The following ZMIZ1 variants were observed in gnomAD, a reference collection of about 807,000 sequenced individuals.
The protein encoded by ZMIZ1 is zinc finger MIZ domain-containing protein 1.
In ZMIZ1, 17 loss-of-function variants were observed where a neutral mutation model predicts 113.9. The observed-to-expected ratio is 0.15, with a 90% CI of 0.10 to 0.22. ZMIZ1 has a LOEUF of 0.22. Ranked by LOEUF, ZMIZ1 falls within the 10% of genes least tolerant of loss-of-function variation. The probability of loss-of-function intolerance (pLI) is 1.00; values close to 1 mark genes in which losing one functional copy is unlikely to be tolerated. For synonymous variants in ZMIZ1, 607 were observed against 603.1 expected, an observed-to-expected ratio of 1.01 and a Z score of -0.09; for missense variants, 1,059 against 1,477.8, an observed-to-expected ratio of 0.72 and a Z score of 4.65.
At chr10:79,238,707 C>T (rs1391310914) in intron 7 of ZMIZ1, among the ~76,000 whole-genome samples, 2 of 152,198 alleles carry the variant, frequency 1.3e-5, no homozygotes, top group Non-Finnish European at 2.9e-5. Flanking sequence ...GTTATCAATG[C>T]ATACTTTTGA....
intron 3 of ZMIZ1, among the ~76,000 whole-genome samples, chr10:79,154,554 A>C (rs1316800289): frequency 6.6e-6 from 1 of 152,152 alleles, no homozygotes; most frequent in Non-Finnish European, 1.5e-5. Context: ...TGGTCTGGCC[A>C]CCCCCAGCTA....
intron 2 of ZMIZ1, among the ~76,000 whole-genome samples, chr10:79,125,922 G>A (rs1844490754): frequency 6.6e-6 from 1 of 152,198 alleles, no homozygotes; most frequent in Non-Finnish European, 1.5e-5. Context: ...TGGGGGTGCA[G>A]AGGCTGGCAG....
intron 3 of ZMIZ1, among the ~76,000 whole-genome samples, chr10:79,159,636 C>T (rs1324013371): frequency 1.3e-5 from 2 of 152,294 alleles, no homozygotes; most frequent in African/African-American, 2.4e-5. Flanking sequence ...CACCTCACAG[C>T]GTTTCACTGA....
rs534131588 is a variant in ZMIZ1 at position 79,277,849 on chromosome 10, C to T, written c.425+524C>T. 2.6e-5 allele frequency among the ~76,000 whole-genome samples: 4 copies of T among 152,252 alleles called. 1 individual carries two copies. The highest frequency in any genetic ancestry group is 4.1e-4 in the South Asian group (2 of 4,838). Reference sequence around the variant, plus strand: ...ACCTGTGCCAGCCTCAGAAGGAGCACGTGGCCAGGACTGGCAATTCCCCCA... The same window carrying T: ...ACCTGTGCCAGCCTCAGAAGGAGCATGTGGCCAGGACTGGCAATTCCCCCA... On this transcript the variant is annotated intron_variant, in intron 8 of 24. Coordinates refer to ENST00000334512, the MANE Select transcript of ZMIZ1 (RefSeq NM_020338.4).
At chr10:79,107,589 A>G (rs1211920768) in intron 1 of ZMIZ1, among the ~76,000 whole-genome samples, 1 of 152,090 alleles carries the variant, frequency 6.6e-6, no homozygotes, top group Non-Finnish European at 1.5e-5. Context: ...TCAGAGGTGC[A>G]CTGGGCACCA....
chr10:79,185,102 T>A, intron 4 of ZMIZ1, among the ~76,000 whole-genome samples: 1 of 151,892 alleles, frequency 6.6e-6, no homozygotes, highest in East Asian at 1.9e-4. Context: ...AAGCCTTGGC[T>A]GTGGATAATT....
At chr10:79,238,053 C>T (rs986502037) in intron 7 of ZMIZ1, among the ~76,000 whole-genome samples, 48 of 152,236 alleles carry the variant, frequency 3.2e-4, no homozygotes, top group Non-Finnish European at 4.4e-5. Context: ...GCCCTACCGG[C>T]TCCCCGCTTG....
intron 1 of ZMIZ1, among the ~76,000 whole-genome samples, chr10:79,086,809 A>T (rs1842829264): frequency 6.6e-6 from 1 of 151,978 alleles, no homozygotes; most frequent in African/African-American, 2.4e-5. Context: ...TGTGTCCAGG[A>T]CTGATTCTCT....
intron 2 of ZMIZ1, among the ~76,000 whole-genome samples, chr10:79,129,440 G>T (rs965791773): frequency 6.6e-6 from 1 of 152,200 alleles, no homozygotes; most frequent in Non-Finnish European, 1.5e-5. Flanking sequence ...TCTTCTTGGC[G>T]CAGGGGCTTG....
intron 1 of ZMIZ1, among the ~76,000 whole-genome samples, chr10:79,108,090 G>C (rs1439706076): frequency 1.3e-5 from 2 of 152,182 alleles, no homozygotes; most frequent in Non-Finnish European, 2.9e-5. Flanking sequence ...CCCACCCGGA[G>C]ACCCATTTAT....
intron 4 of ZMIZ1, among the ~76,000 whole-genome samples, chr10:79,175,587 T>C (rs1180357172): frequency 1.1e-3 from 57 of 50,412 alleles, no homozygotes; most frequent in Admixed American, 6.1e-3. Flanking sequence ...ACTCTGCGTG[T>C]GTGTGTGTGT....
intron 7 of ZMIZ1, among the ~76,000 whole-genome samples, chr10:79,276,090 G>A (rs1364165816): frequency 1.3e-5 from 2 of 152,164 alleles, no homozygotes; most frequent in African/African-American, 2.4e-5. Flanking sequence ...GCCACCCTTT[G>A]TCCAGCATTC....
intron 1 of ZMIZ1, among the ~76,000 whole-genome samples, chr10:79,083,661 G>A (rs1302759163): frequency 1.3e-5 from 2 of 152,220 alleles, no homozygotes; most frequent in African/African-American, 4.8e-5. Flanking sequence ...AGCATTTACA[G>A]GAACCCAGGA....
intron 2 of ZMIZ1, among the ~76,000 whole-genome samples, chr10:79,132,296 A>T (rs1471146282): frequency 6.6e-6 from 1 of 152,122 alleles, no homozygotes; most frequent in Non-Finnish European, 1.5e-5. Context: ...AGTGGCTCCC[A>T]TGTCTCCTCC....
intron 7 of ZMIZ1, among the ~76,000 whole-genome samples, chr10:79,237,808 CA>C (rs1400636077): frequency 1.3e-5 from 2 of 152,202 alleles, no homozygotes; most frequent in Non-Finnish European, 2.9e-5. Context: ...CATGGCTTCT[CA>C]ATTGGTCTTT....
At chr10:79,281,382 G>A (rs2131991264) in intron 8 of ZMIZ1, among the ~76,000 whole-genome samples, 1 of 152,334 alleles carries the variant, frequency 6.6e-6, no homozygotes, top group African/African-American at 2.4e-5. Context: ...ACTGTCAGGA[G>A]GCTGCCCAGA....
At chr10:79,293,919 G>A in intron 12 of ZMIZ1, 1 of 570,512 alleles carries the variant, frequency 1.8e-6, no homozygotes, top group Non-Finnish European at 3.1e-6. Flanking sequence ...CCCTGGGCTG[G>A]CATGTGCCGC....
intron 7 of ZMIZ1, among the ~76,000 whole-genome samples, chr10:79,216,917 G>A (rs936904139): frequency 3.3e-5 from 5 of 152,194 alleles, no homozygotes; most frequent in African/African-American, 1.2e-4. Flanking sequence ...ATTCTGTCTG[G>A]GAGGGCTTTG....
intron 3 of ZMIZ1, among the ~76,000 whole-genome samples, chr10:79,145,313 G>A (rs1269336763): frequency 6.6e-6 from 1 of 152,096 alleles, no homozygotes; most frequent in African/African-American, 2.4e-5. Context: ...CTCCTCCACA[G>A]TAGAGCCTTT....
Sources: gnomAD v4.1 joint callset for allele counts (sites outside exome capture counted in the v4.1 genomes callset) on GRCh38, gnomAD v4.1.1 for gene constraint, MANE v1.5 for transcripts, NCBI Gene and HGNC (gene_info 2026-07-23, HGNC 2026-07-21) for gene names.